Variants in SCLT1 observed in about 807,000 individuals in gnomAD.
The protein encoded by SCLT1 is sodium channel-associated protein 1.
In SCLT1, 78 loss-of-function variants were observed where a neutral mutation model predicts 112.8. That is an observed-to-expected ratio of 0.69 (90% confidence interval 0.58 to 0.83). SCLT1 has a LOEUF of 0.83. SCLT1 is among the 40% of genes least tolerant of loss of function. The probability of loss-of-function intolerance (pLI) is 0.00; values close to 1 mark genes in which losing one functional copy is unlikely to be tolerated. For synonymous variants in SCLT1, 257 were observed against 254.7 expected (o/e 1.01, Z -0.09); for missense variants, 747 against 770.4 (o/e 0.97, Z 0.36).
intron 4 of SCLT1, chr4:129,040,280 C>T: frequency 1.4e-6 from 1 of 693,234 alleles, no homozygotes; most frequent in Non-Finnish European, 2.6e-6. Context: ...CATATATGGA[C>T]TGATACAGTG....
intron 12 of SCLT1, among the ~76,000 whole-genome samples, chr4:128,958,905 A>C (rs1225557055): frequency 1.3e-5 from 2 of 152,190 alleles, no homozygotes; most frequent in Non-Finnish European, 2.9e-5. Flanking sequence ...GTAAAAAGGG[A>C]AATAAAAATA....
intron 18 of SCLT1, among the ~76,000 whole-genome samples, chr4:128,915,450 T>C (rs1318992570): frequency 6.6e-6 from 1 of 152,240 alleles, no homozygotes. Flanking sequence ...TATTCCTTTA[T>C]TATCAACAGT....
At chr4:128,886,093 A>G (rs1482182785) in intron 20 of SCLT1, among the ~76,000 whole-genome samples, 5 of 152,148 alleles carry the variant, frequency 3.3e-5, no homozygotes, top group African/African-American at 7.2e-5. Context: ...AACTGTGATT[A>G]TATTTATTAA....
At chr4:128,883,462 G>A (rs1049299573), downstream of SCLT1, among the ~76,000 whole-genome samples, 8 of 152,014 alleles carry the variant, frequency 5.3e-5, no homozygotes, top group Non-Finnish European at 7.4e-5. Flanking sequence ...CGTAGATAAC[G>A]GGTTGATGGG....
intron 2 of SCLT1, among the ~76,000 whole-genome samples, chr4:129,071,808 T>G (rs191935279): frequency 1.2e-4 from 18 of 152,320 alleles, no homozygotes; most frequent in Admixed American, 9.8e-4. Context: ...AGTGTTAGTA[T>G]TGAAATGTGA....
chr4:128,925,169 G>T (rs571389803), intron 18 of SCLT1, among the ~76,000 whole-genome samples: 1 of 152,102 alleles, frequency 6.6e-6, no homozygotes, highest in South Asian at 2.1e-4. Context: ...AACTTTATGA[G>T]AAACCCTGAG....
At chr4:128,899,993 G>T (rs968395119) in intron 18 of SCLT1, among the ~76,000 whole-genome samples, 35 of 152,218 alleles carry the variant, frequency 2.3e-4, no homozygotes, top group Admixed American at 9.8e-4. Flanking sequence ...TCTTCAAGGA[G>T]AACTACAAAC....
At chr4:129,042,011 T>C (rs1747740582) in intron 4 of SCLT1, 1 of 152,178 alleles carries the variant, frequency 6.6e-6, no homozygotes, top group African/African-American at 2.4e-5. Context: ...CCTCCCAAAG[T>C]GCTGGGATTA....
chr4:128,914,683 C>A (rs1463999692), intron 18 of SCLT1, among the ~76,000 whole-genome samples: 2 of 151,996 alleles, frequency 1.3e-5, no homozygotes, highest in Non-Finnish European at 2.9e-5. Flanking sequence ...TAGAGGTGCA[C>A]AAAGGGGATA....
chr4:128,938,454 A>G (rs554759661), intron 17 of SCLT1, among the ~76,000 whole-genome samples: 8 of 152,264 alleles, frequency 5.3e-5, no homozygotes, highest in African/African-American at 1.9e-4. Context: ...CCAATCTTGG[A>G]TGTGTTAGTT....
intron 5 of SCLT1, among the ~76,000 whole-genome samples, chr4:129,021,593 T>A (rs906032913): frequency 4.6e-5 from 7 of 152,174 alleles, no homozygotes; most frequent in Non-Finnish European, 8.8e-5. Flanking sequence ...CGTGGCAAAG[T>A]GGCTGTGGCC....
At chr4:128,943,320 A>G (rs1322487705) in intron 16 of SCLT1, 132 bp from the exon 17 acceptor site, 2 of 600,058 alleles carry the variant, frequency 3.3e-6, no homozygotes, top group East Asian at 5.9e-5. Flanking sequence ...CTTTAGACTG[A>G]AACTATGTGG....
At chr4:128,897,147 C>T (rs1189062779) in intron 18 of SCLT1, among the ~76,000 whole-genome samples, 1 of 152,060 alleles carries the variant, frequency 6.6e-6, no homozygotes, top group Admixed American at 6.6e-5. Context: ...GGCAGGCCAA[C>T]GTTCATATTC....
At chr4:128,930,329 C>T (rs1019792716) in intron 18 of SCLT1, among the ~76,000 whole-genome samples, 2 of 152,130 alleles carry the variant, frequency 1.3e-5, no homozygotes, top group Non-Finnish European at 2.9e-5. Context: ...TGTAAGCAAT[C>T]TTGGAAGCAG....
Position 129,003,800 on chromosome 4 carries a change from T to C in SCLT1, c.367A>G (p.Ile123Val), listed in dbSNP as rs147766080. 2.1e-5 allele frequency: 34 copies of C among 1,612,488 alleles called. No homozygotes were observed. The highest frequency in any genetic ancestry group is 2.5e-5 in the Non-Finnish European group (29 of 1,179,034). ...CTGACTGTTTCATCATCTGCATATA[T>C]GTCAGTTCCTACCTCTGTGCCCAGG... ...FPLGTEVGTD[I>V]YADDETVRNL... Residue 123 changes from isoleucine (I) to valine (V), a missense_variant, in exon 6 of 21, where the codon ATA (isoleucine) becomes GTA (valine). By Grantham distance (29) the Ile-to-Val change is conservative (BLOSUM62 3). Transcript: ENST00000281142.
intron 13 of SCLT1, among the ~76,000 whole-genome samples, chr4:128,954,665 T>C (rs1398612783): frequency 2.6e-5 from 4 of 152,166 alleles, no homozygotes; most frequent in African/African-American, 9.7e-5. Context: ...AATAATTATA[T>C]TAAGAATCAA....
In SCLT1 at chr4:129,039,060, C is replaced by T. The variant is rs370155503; in HGVS notation, c.271G>A (p.Val91Ile). The T allele has an allele frequency of 1.9e-6, 3 of 1,586,798 alleles. No individual in the cohort carries two copies. The highest frequency in any genetic ancestry group is 1.1e-5 in the South Asian group (1 of 90,358). Residue 91 changes from valine (V) to isoleucine (I), a missense_variant, in exon 5 of 21, where the codon GTC (valine) becomes ATC (isoleucine). Physicochemically the swap from Val to Ile is conservative, Grantham distance 29 (BLOSUM62 3). Transcript: ENST00000281142. ...VGEMKLQLENVIKENERLHSE... is the reference protein window; with the variant it reads ...VGEMKLQLENIIKENERLHSE... ...ATTTACCTTTCATTTTCCTTGATGACATTTTCAAGTTGTAATTTCATCTCA... is the reference window on the plus strand; with the variant it reads ...ATTTACCTTTCATTTTCCTTGATGATATTTTCAAGTTGTAATTTCATCTCA...
At chr4:129,019,719 A>G (rs1024110334) in intron 5 of SCLT1, among the ~76,000 whole-genome samples, 2 of 151,660 alleles carry the variant, frequency 1.3e-5, no homozygotes, top group African/African-American at 4.8e-5. Flanking sequence ...CAGATGCCTC[A>G]CCTCACCTGA....
At chr4:129,013,201 C>T (rs1008469870) in intron 5 of SCLT1, among the ~76,000 whole-genome samples, 4 of 152,104 alleles carry the variant, frequency 2.6e-5, no homozygotes, top group African/African-American at 9.7e-5. Context: ...CTTGTAAGTT[C>T]TTACCATTTA....
Sources: gnomAD v4.1 joint callset for allele counts (sites outside exome capture counted in the v4.1 genomes callset) on GRCh38, gnomAD v4.1.1 for gene constraint, MANE v1.5 for transcripts, NCBI Gene and HGNC (gene_info 2026-07-23, HGNC 2026-07-21) for gene names.